Variants in SGCD observed in about 807,000 individuals in gnomAD.
SGCD encodes sarcoglycan delta, also known as delta-sarcoglycan.
Under a neutral mutation model 36.6 loss-of-function variants are expected in SGCD, and 18 were observed. The ratio of observed to expected loss-of-function variants is 0.49; its 90% confidence interval spans 0.34 to 0.73. The LOEUF (loss-of-function observed/expected upper bound fraction) is 0.73. Among genes scored for constraint, SGCD ranks in the 30% least tolerant of loss-of-function variants. The pLI, the probability that SGCD is intolerant of heterozygous loss-of-function variation, is 0.01. For missense variants in SGCD, 387 were observed against 346.7 expected (o/e 1.12, Z -0.92); for synonymous variants, 133 against 130.6 (o/e 1.02, Z -0.12).
chr5:156,346,340 A>T (rs11750080), intron 3 of SGCD, among the ~76,000 whole-genome samples: 4 of 151,676 alleles, frequency 2.6e-5, no homozygotes, highest in Admixed American at 2.6e-4. Context: ...ACTTTTTCAC[A>T]GACGCTGTAG....
At chr5:155,930,364 G>A (rs1451606978) in intron 1 of SGCD, among the ~76,000 whole-genome samples, 2 of 152,184 alleles carry the variant, frequency 1.3e-5, no homozygotes, top group African/African-American at 4.8e-5. Context: ...AACAACTGAA[G>A]CAAAAGAAGT....
At chr5:155,761,573 C>T in the SGCD span, among the ~76,000 whole-genome samples, 13 of 145,940 alleles carry the variant, frequency 8.9e-5, no homozygotes, top group African/African-American at 3.3e-4. Flanking sequence ...CCATCAACTT[C>T]TCCGTCATCC....
intron 3 of SGCD, among the ~76,000 whole-genome samples, chr5:156,149,299 A>G (rs993613415): frequency 4.6e-5 from 7 of 152,252 alleles, no homozygotes; most frequent in Non-Finnish European, 1.0e-4. Flanking sequence ...AGGTATAATT[A>G]AATTGTTACT....
chr5:156,580,668 C>G (rs1213072633), intron 4 of SGCD, among the ~76,000 whole-genome samples: 3 of 152,166 alleles, frequency 2.0e-5, no homozygotes, highest in Admixed American at 6.5e-5. Flanking sequence ...TCACTGATAA[C>G]CTTTTCTTCT....
intron 3 of SGCD, among the ~76,000 whole-genome samples, chr5:156,446,151 G>A (rs549490544): frequency 6.6e-6 from 1 of 152,264 alleles, no homozygotes; most frequent in Admixed American, 6.5e-5. Flanking sequence ...CAGAGCCCCA[G>A]GAAATGCAGG....
At chr5:156,389,545 TC>T (rs34813170) in intron 3 of SGCD, among the ~76,000 whole-genome samples, 1 of 152,162 alleles carries the variant, frequency 6.6e-6, no homozygotes, top group African/African-American at 2.4e-5. Flanking sequence ...AGACAGTTTT[TC>T]CATGGCCAGG....
intron 4 of SGCD, among the ~76,000 whole-genome samples, chr5:156,573,703 T>G (rs1017274213): frequency 2.0e-5 from 3 of 151,820 alleles, no homozygotes; most frequent in Non-Finnish European, 4.4e-5. Context: ...TTTTATTAAT[T>G]TTTTTAGAGA....
intron 3 of SGCD, among the ~76,000 whole-genome samples, chr5:156,288,406 TA>T (rs1481711119): frequency 2.0e-5 from 3 of 152,196 alleles, no homozygotes; most frequent in African/African-American, 4.8e-5. Flanking sequence ...TGCTGGAAAT[TA>T]ACTTTATTTG....
At chr5:155,889,783 G>A (rs1203578533) in intron 1 of SGCD, among the ~76,000 whole-genome samples, 1 of 152,074 alleles carries the variant, frequency 6.6e-6, no homozygotes, top group Non-Finnish European at 1.5e-5. Flanking sequence ...ACCGTATTTG[G>A]GGCAACTTGA....
intron 3 of SGCD, among the ~76,000 whole-genome samples, chr5:156,399,820 G>A (rs1306220145): frequency 6.6e-6 from 1 of 152,136 alleles, no homozygotes; most frequent in Non-Finnish European, 1.5e-5. Flanking sequence ...AAGGGATTAT[G>A]TCTGTCATAT....
At chr5:155,804,548 A>G in the SGCD span, among the ~76,000 whole-genome samples, 1 of 152,194 alleles carries the variant, frequency 6.6e-6, no homozygotes, top group Non-Finnish European at 1.5e-5. Flanking sequence ...CTTAGGGCCC[A>G]GCTTCTCCAG....
At chr5:156,520,025 C>G (rs256827) in intron 4 of SGCD, among the ~76,000 whole-genome samples, 83,891 of 151,980 alleles carry the variant, frequency 0.55, 23,643 homozygotes, top group African/African-American at 0.64. Flanking sequence ...GGGCAGTCCA[C>G]CAAGAGAAAG....
intron 6 of SGCD, among the ~76,000 whole-genome samples, chr5:156,595,536 C>T (rs187125509): frequency 3.3e-4 from 50 of 152,150 alleles, no homozygotes; most frequent in Non-Finnish European, 6.5e-4. Flanking sequence ...GGCAGTTGAA[C>T]CTCCCTGAGT....
At chr5:155,906,781 AGCAGCAAATGTTGATGCAGAAGCT>A (rs1156301675) in intron 1 of SGCD, among the ~76,000 whole-genome samples, 44 of 148,392 alleles carry the variant, frequency 3.0e-4, no homozygotes, top group African/African-American at 1.0e-3. Context: ...TGCAAGGTGA[AGCAGCAAATGTTGATGCAGAAGCT>A]GCAGCAAATG....
At chr5:156,204,925 C>T (rs577950588) in intron 3 of SGCD, among the ~76,000 whole-genome samples, 64 of 152,052 alleles carry the variant, frequency 4.2e-4, no homozygotes, top group Admixed American at 1.4e-3. Flanking sequence ...TTGCTACAAC[C>T]GTGATCTCAA....
chr5:156,540,364 A>G (rs964650178), intron 4 of SGCD, among the ~76,000 whole-genome samples: 2 of 152,004 alleles, frequency 1.3e-5, no homozygotes, highest in Non-Finnish European at 2.9e-5. Flanking sequence ...GGGAAGTAAA[A>G]TTACTCTCTG....
At chr5:156,476,484 A>C (rs558798438) in intron 3 of SGCD, among the ~76,000 whole-genome samples, 1 of 152,376 alleles carries the variant, frequency 6.6e-6, no homozygotes, top group Non-Finnish European at 1.5e-5. Flanking sequence ...AAATTCTAGT[A>C]CAGTCATTCT....
At chr5:156,192,129 C>T (rs11741549) in intron 3 of SGCD, among the ~76,000 whole-genome samples, 46,917 of 151,846 alleles carry the variant, frequency 0.31, 7,724 homozygotes, top group East Asian at 0.6. Flanking sequence ...GACATCGTGA[C>T]GGTCTATATT....
chr5:156,469,851 C>T (rs747220120), intron 3 of SGCD, among the ~76,000 whole-genome samples: 1 of 152,170 alleles, frequency 6.6e-6, no homozygotes, highest in Non-Finnish European at 1.5e-5. Context: ...AGAAGAAATG[C>T]TATGAGGGAC....
Sources: allele counts gnomAD v4.1 joint callset (sites outside exome capture counted in the v4.1 genomes callset), GRCh38; gene constraint gnomAD v4.1.1; transcripts MANE v1.5; gene names NCBI Gene and HGNC (gene_info 2026-07-23, HGNC 2026-07-21).